Variants in DLG2 observed in about 807,000 individuals in gnomAD.
DLG2 encodes the protein disks large homolog 2.
Under a neutral mutation model 132.5 loss-of-function variants are expected in DLG2, and 45 were observed. That is an observed-to-expected ratio of 0.34 (90% CI 0.27 to 0.44). The LOEUF (loss-of-function observed/expected upper bound fraction) is 0.44, where lower values mean the gene tolerates loss of function less well. Ranked by LOEUF, DLG2 falls within the 20% of genes least tolerant of loss-of-function variation. The pLI is 1.00. For missense variants in DLG2, 1,045 were observed against 1,196.9 expected (o/e 0.87, Z 1.87); for synonymous variants, 424 against 419.6 (o/e 1.01, Z -0.13).
intron 8 of DLG2, among the ~76,000 whole-genome samples, chr11:84,214,919 T>C (rs915995425): frequency 6.6e-6 from 1 of 152,194 alleles, no homozygotes; most frequent in Non-Finnish European, 1.5e-5. Context: ...TGAAGATACA[T>C]TTCAATGCAA....
At chr11:85,144,955 T>A (rs1310534030) in intron 5 of DLG2, among the ~76,000 whole-genome samples, 1 of 152,132 alleles carries the variant, frequency 6.6e-6, no homozygotes, top group Non-Finnish European at 1.5e-5. Context: ...GTTAATGTCC[T>A]TTTCTTTTAG....
chr11:83,517,218 C>T (rs565431259), intron 21 of DLG2, among the ~76,000 whole-genome samples: 3 of 152,190 alleles, frequency 2.0e-5, no homozygotes, highest in African/African-American at 7.2e-5. Flanking sequence ...AGGCTTTGTG[C>T]ATTTCTTTTT....
chr11:84,215,392 G>A (rs893383829), intron 8 of DLG2, among the ~76,000 whole-genome samples: 5 of 152,014 alleles, frequency 3.3e-5, no homozygotes, highest in African/African-American at 1.2e-4. Context: ...ACACTGTTGA[G>A]CAAAATTAAC....
chr11:83,840,024 C>T (rs577544747), intron 16 of DLG2, among the ~76,000 whole-genome samples: 2 of 152,338 alleles, frequency 1.3e-5, no homozygotes, highest in East Asian at 1.9e-4. Flanking sequence ...TTAAACGTCT[C>T]CAGGCACCCT....
At chr11:84,042,218 G>T (rs1348393277) in intron 11 of DLG2, among the ~76,000 whole-genome samples, 1 of 151,608 alleles carries the variant, frequency 6.6e-6, no homozygotes, top group Non-Finnish European at 1.5e-5. Context: ...TAATCAAATT[G>T]CCAACTATAT....
chr11:83,609,977 A>G (rs929433273), intron 19 of DLG2, among the ~76,000 whole-genome samples: 9 of 152,218 alleles, frequency 5.9e-5, no homozygotes, highest in Admixed American at 2.0e-4. Context: ...CTTTTGGGAA[A>G]GCTGAGAATT....
intron 6 of DLG2, among the ~76,000 whole-genome samples, chr11:84,649,623 G>A (rs2099679114): frequency 6.6e-6 from 1 of 152,126 alleles, no homozygotes. Context: ...ATTTTCAAAG[G>A]GGAAGTTATG....
chr11:84,777,179 C>T (rs1309614296), intron 6 of DLG2, among the ~76,000 whole-genome samples: 1 of 150,840 alleles, frequency 6.6e-6, no homozygotes, highest in African/African-American at 2.4e-5. Context: ...CTGTGTTTCA[C>T]TTAATGACCT....
chr11:83,840,778 T>A (rs1007080145), intron 16 of DLG2, among the ~76,000 whole-genome samples: 6 of 152,250 alleles, frequency 3.9e-5, no homozygotes, highest in African/African-American at 1.4e-4. Context: ...CTCTGCCTTG[T>A]TAGAAGTTTG....
At chr11:84,658,673 G>A (rs1309652493) in intron 6 of DLG2, among the ~76,000 whole-genome samples, 1 of 151,866 alleles carries the variant, frequency 6.6e-6, no homozygotes, top group African/African-American at 2.4e-5. Flanking sequence ...TAAAAGAGTC[G>A]GCACTTCCTC....
chr11:84,026,194 G>A (rs1424218243), intron 11 of DLG2, among the ~76,000 whole-genome samples: 1 of 151,972 alleles, frequency 6.6e-6, no homozygotes, highest in Non-Finnish European at 1.5e-5. Flanking sequence ...GGTTGACCTT[G>A]CAGCTTATAA....
At chr11:84,127,403 G>T (rs2094224351) in intron 9 of DLG2, among the ~76,000 whole-genome samples, 1 of 152,080 alleles carries the variant, frequency 6.6e-6, no homozygotes, top group African/African-American at 2.4e-5. Flanking sequence ...TAATCTTTTA[G>T]TGCTCTAAAT....
intron 6 of DLG2, among the ~76,000 whole-genome samples, chr11:84,904,996 C>G (rs1245249805): frequency 6.6e-6 from 1 of 152,104 alleles, no homozygotes; most frequent in Non-Finnish European, 1.5e-5. Flanking sequence ...CTATCTTAGC[C>G]TCCCAAGTAG....
At chr11:84,813,518 T>C (rs146347644) in intron 6 of DLG2, among the ~76,000 whole-genome samples, 4 of 152,134 alleles carry the variant, frequency 2.6e-5, no homozygotes, top group East Asian at 1.9e-4. Flanking sequence ...TTCTTTGCAA[T>C]GTATAGGAAA....
chr11:83,703,610 C>T lies in DLG2; in HGVS notation c.1826-70285G>A, dbSNP rs529387476. 1.8e-3 allele frequency among the ~76,000 whole-genome samples: 275 copies of T among 152,298 alleles called. 1 individual carries two copies. The highest frequency in any genetic ancestry group is 6.3e-3 in the African/African-American group (260 of 41,562). ...GTTGCAGTGAGCCGAGATAGCACCA[C>T]TGCACTCCAGCCTGGGCAACAAGAG... is the stretch of plus-strand genomic sequence containing the variant. On this transcript the variant is annotated intron_variant, in intron 18 of 27. Transcript: ENST00000376104.
intron 6 of DLG2, among the ~76,000 whole-genome samples, chr11:84,555,826 A>G (rs74411695): frequency 0.036 from 5,485 of 152,302 alleles, 100 homozygotes; most frequent in Middle Eastern, 0.061. Context: ...TTTTACTACA[A>G]TTTTTTAAAA....
chr11:84,297,564 C>T (rs1171407545), intron 7 of DLG2, among the ~76,000 whole-genome samples: 1 of 152,146 alleles, frequency 6.6e-6, no homozygotes, highest in East Asian at 1.9e-4. Context: ...CCATCATTAT[C>T]TCTCGGTTAC....
At chr11:84,738,500 C>A (rs1288638812) in intron 6 of DLG2, among the ~76,000 whole-genome samples, 1 of 152,020 alleles carries the variant, frequency 6.6e-6, no homozygotes, top group African/African-American at 2.4e-5. Context: ...CTGTTTCATT[C>A]CTTTGTTTCT....
intron 3 of DLG2, among the ~76,000 whole-genome samples, chr11:85,554,459 G>GTC (rs2076826416): frequency 6.6e-6 from 1 of 151,842 alleles, no homozygotes; most frequent in African/African-American, 2.4e-5. Flanking sequence ...AGTGAAAGAA[G>GTC]TCTAACATGG....
Sources: gnomAD v4.1 joint callset for allele counts (sites outside exome capture counted in the v4.1 genomes callset) on GRCh38, gnomAD v4.1.1 for gene constraint, MANE v1.5 for transcripts, NCBI Gene and HGNC (gene_info 2026-07-23, HGNC 2026-07-21) for gene names.